Variants in ADAMTS12 observed in about 807,000 individuals in gnomAD.
ADAMTS12 encodes the protein ADAM metallopeptidase with thrombospondin type 1 motif 12, also known as A disintegrin and metalloproteinase with thrombospondin motifs 12.
In ADAMTS12, 118 loss-of-function variants were observed where a neutral mutation model predicts 167.8. The observed-to-expected ratio is 0.70, with a 90% CI of 0.61 to 0.82. The LOEUF (loss-of-function observed/expected upper bound fraction) is 0.82, where lower values mean the gene tolerates loss of function less well. Among genes scored for constraint, ADAMTS12 ranks in the 40% least tolerant of loss-of-function variants. ADAMTS12 has a pLI of 0.00. For synonymous variants in ADAMTS12, 704 were observed against 716.9 expected (o/e 0.98, Z 0.29); for missense variants, 1,916 against 1,998.8 (o/e 0.96, Z 0.79).
chr5:33,837,082 T>A (rs1748557076), intron 2 of ADAMTS12, among the ~76,000 whole-genome samples: 1 of 151,890 alleles, frequency 6.6e-6, no homozygotes. Context: ...GGGAAAACCC[T>A]GGGGGACTTA....
At chr5:33,663,167 G>A (rs1434006404) in intron 5 of ADAMTS12, among the ~76,000 whole-genome samples, 1 of 152,262 alleles carries the variant, frequency 6.6e-6, no homozygotes. Context: ...AAGTCACTGA[G>A]CTGCTCAGCA....
At chr5:33,734,952 G>A (rs1744320155) in intron 3 of ADAMTS12, among the ~76,000 whole-genome samples, 1 of 152,210 alleles carries the variant, frequency 6.6e-6, no homozygotes, top group African/African-American at 2.4e-5. Context: ...TACCTTGCAT[G>A]TACCTTAATG....
chr5:33,582,709 T>C (rs1311074289), intron 18 of ADAMTS12, among the ~76,000 whole-genome samples: 1 of 152,248 alleles, frequency 6.6e-6, no homozygotes, highest in African/African-American at 2.4e-5. Flanking sequence ...AAGATCTTCC[T>C]AGACTCTGTG....
intron 20 of ADAMTS12, among the ~76,000 whole-genome samples, chr5:33,549,768 A>G (rs1277273893): frequency 6.6e-6 from 1 of 152,206 alleles, no homozygotes; most frequent in Non-Finnish European, 1.5e-5. Flanking sequence ...TTCCGTCTGG[A>G]AGTCAGTATT....
At chr5:33,877,703 A>C (rs1750282110) in intron 2 of ADAMTS12, among the ~76,000 whole-genome samples, 1 of 152,198 alleles carries the variant, frequency 6.6e-6, no homozygotes, top group Non-Finnish European at 1.5e-5. Context: ...GAGCAGCCTC[A>C]AAGAGGACAA....
At chr5:33,629,479 CA>C (rs1739817519) in intron 13 of ADAMTS12, among the ~76,000 whole-genome samples, 1 of 152,110 alleles carries the variant, frequency 6.6e-6, no homozygotes, top group South Asian at 2.1e-4. Flanking sequence ...TGAAAGTTGT[CA>C]GAATCAAAAT....
At chr5:33,563,836 G>A (rs1252253985) in intron 19 of ADAMTS12, among the ~76,000 whole-genome samples, 1 of 152,164 alleles carries the variant, frequency 6.6e-6, no homozygotes, top group Non-Finnish European at 1.5e-5. Flanking sequence ...ACTCTTCTGA[G>A]TACCTTACAT....
intron 3 of ADAMTS12, among the ~76,000 whole-genome samples, chr5:33,741,622 A>G (rs1463704555): frequency 6.6e-6 from 1 of 152,076 alleles, no homozygotes; most frequent in Non-Finnish European, 1.5e-5. Flanking sequence ...ATGGCTCTCT[A>G]AGAATCCAAA....
chr5:33,868,644 C>T (rs1007397198), intron 2 of ADAMTS12, among the ~76,000 whole-genome samples: 1 of 152,146 alleles, frequency 6.6e-6, no homozygotes, highest in Non-Finnish European at 1.5e-5. Flanking sequence ...GCAACCTATG[C>T]TTATACTGTG....
At chr5:33,685,975 C>T (rs4558994) in intron 3 of ADAMTS12, among the ~76,000 whole-genome samples, 91,567 of 151,954 alleles carry the variant, frequency 0.6, 28,241 homozygotes, top group Non-Finnish European at 0.67. Flanking sequence ...TTTAAGCCCA[C>T]GTGGGCTGGT....
rs142968611 is a variant in ADAMTS12 at position 33,697,358 on chromosome 5, G to A, written c.635-13303C>T. 6.2e-3 allele frequency among the ~76,000 whole-genome samples: 937 copies of A among 152,272 alleles called. 14 individuals are homozygous for A. The highest frequency in any genetic ancestry group is 0.022 in the African/African-American group (896 of 41,546). On this transcript the variant is annotated intron_variant, in intron 3 of 23. Coordinates refer to ENST00000504830, the MANE Select transcript of ADAMTS12 (RefSeq NM_030955.4). ...GATGAGAGGCATTTAAAAGGAAAAAGAGATCAAGGTAAACTGAATTCAGTG... is the reference window on the plus strand; with the variant it reads ...GATGAGAGGCATTTAAAAGGAAAAAAAGATCAAGGTAAACTGAATTCAGTG...
intron 9 of ADAMTS12, among the ~76,000 whole-genome samples, 164 bp downstream of exon 9, chr5:33,648,658 G>A (rs1740765969): frequency 6.6e-6 from 1 of 152,190 alleles, no homozygotes; most frequent in Non-Finnish European, 1.5e-5. Flanking sequence ...CAAGGCATGT[G>A]ATTCCAGCTT....
intron 2 of ADAMTS12, among the ~76,000 whole-genome samples, chr5:33,770,988 G>C (rs1373760795): frequency 6.6e-6 from 1 of 151,886 alleles, no homozygotes; most frequent in Non-Finnish European, 1.5e-5. Flanking sequence ...ACTGTTCCTG[G>C]TCCTCATTAC....
At chr5:33,573,892 A>T (rs1746523878) in intron 19 of ADAMTS12, among the ~76,000 whole-genome samples, 2 of 152,186 alleles carry the variant, frequency 1.3e-5, no homozygotes, top group Admixed American at 1.3e-4. Context: ...ACTCAAACAA[A>T]TTTACAAGAA....
At chr5:33,779,590 T>C (rs1365545200) in intron 2 of ADAMTS12, among the ~76,000 whole-genome samples, 1 of 152,108 alleles carries the variant, frequency 6.6e-6, no homozygotes, top group Non-Finnish European at 1.5e-5. Flanking sequence ...AACAGATAAA[T>C]GGATAAAGAA....
Position 33,577,052 on chromosome 5 carries a change from C to T in ADAMTS12, c.2974G>A (p.Gly992Ser). The T allele has an allele frequency of 6.2e-7, 1 of 1,614,192 alleles. No individual in the cohort carries two copies. The highest frequency in any genetic ancestry group is 1.3e-5 in the African/African-American group (1 of 75,050). The stretch of plus-strand genomic sequence containing the variant: ...CGGCTAGAAGGGCATTGCTGGAGGC[C>T]ACACAGAGCTCGGCTGTTGGGTTTC... ...TRKPNSRALC[G>S]LQQCPSSRRV... The change falls in exon 19 of 24, where the codon GGC (glycine) becomes AGC (serine). Residue 992 changes from glycine to serine, a missense_variant. Physicochemically the swap from Gly to Ser is moderately conservative, Grantham distance 56 (BLOSUM62 0). Transcript: ENST00000504830.
intron 19 of ADAMTS12, among the ~76,000 whole-genome samples, chr5:33,569,749 T>C (rs970846110): frequency 1.3e-5 from 2 of 152,322 alleles, no homozygotes; most frequent in South Asian, 2.1e-4. Flanking sequence ...GGATGGAGAA[T>C]GATTTTGATG....
chr5:33,793,975 G>A (rs1022859152), intron 2 of ADAMTS12, among the ~76,000 whole-genome samples: 4 of 152,170 alleles, frequency 2.6e-5, no homozygotes, highest in African/African-American at 9.7e-5. Context: ...ACAAAGTTCA[G>A]CTAGAGAATT....
intron 2 of ADAMTS12, among the ~76,000 whole-genome samples, chr5:33,806,199 G>C (rs1747222836): frequency 6.6e-6 from 1 of 152,206 alleles, no homozygotes; most frequent in Admixed American, 6.5e-5. Flanking sequence ...AGCATTTAAT[G>C]AAATGATGCA....
Sources: allele counts gnomAD v4.1 joint callset (sites outside exome capture counted in the v4.1 genomes callset), GRCh38; gene constraint gnomAD v4.1.1; transcripts MANE v1.5; gene names NCBI Gene and HGNC (gene_info 2026-07-23, HGNC 2026-07-21).